CTNNA3: variants seen among roughly 807,000 people sequenced by gnomAD.
CTNNA3 encodes catenin alpha 3, also known as catenin alpha-3.
CTNNA3 carries 76 observed loss-of-function variants against 95.7 expected under a neutral mutation model. The ratio of observed to expected loss-of-function variants is 0.79; its 90% confidence interval spans 0.66 to 0.96. The LOEUF is 0.96. CTNNA3 is among the 40% of genes least tolerant of loss of function. The pLI is 0.00. For missense variants in CTNNA3, 1,191 were observed against 1,089.8 expected (o/e 1.09, Z -1.31); for synonymous variants, 431 against 374.4 (o/e 1.15, Z -1.74).
intron 7 of CTNNA3, among the ~76,000 whole-genome samples, chr10:67,042,688 T>C (rs1373045469): frequency 1.3e-5 from 2 of 151,510 alleles, no homozygotes; most frequent in Non-Finnish European, 3.0e-5. Context: ...GGGAAACTAT[T>C]AGAGGAAAAA....
chr10:66,085,551 A>C (rs1418417717), intron 14 of CTNNA3, among the ~76,000 whole-genome samples: 1 of 152,034 alleles, frequency 6.6e-6, no homozygotes, highest in African/African-American at 2.4e-5. Context: ...TTTTTCTTTC[A>C]TAATCAAGAA....
rs890654634 is a variant in CTNNA3, at chr10:66,151,972, G to A, written c.1885-48723C>T. On this transcript the variant is annotated intron_variant, in intron 13 of 17. Coordinates refer to ENST00000433211, the MANE Select transcript of CTNNA3 (RefSeq NM_013266.4). ...ATTTATGTGGCTACATTTCTGCCAG[G>A]GAACTTAAGGAGTCCTATAAATCAT... 2.0e-5 allele frequency among the ~76,000 whole-genome samples: 3 copies of A among 151,912 alleles called. No homozygotes were observed. In the East Asian group the frequency reaches 5.8e-4, roughly 29 times the overall value.
intron 11 of CTNNA3, among the ~76,000 whole-genome samples, chr10:66,461,245 A>C (rs1000680047): frequency 6.6e-6 from 1 of 152,106 alleles, no homozygotes; most frequent in South Asian, 2.1e-4. Context: ...TTGTGTACTC[A>C]TAATAGATGA....
rs552838580 is a variant in CTNNA3 at position 66,011,648 on chromosome 10, T to G, written c.2160-22851A>C. 3.3e-5 allele frequency among the ~76,000 whole-genome samples: 5 copies of G among 152,260 alleles called. No homozygotes were observed. In the South Asian group the frequency reaches 1.0e-3, roughly 32 times the overall value. ...TTGACCAAGTTCATACTGTCAGAAATGTGTAGAGTAGGGGTCAATCAAGCC... is the reference window on the plus strand; with the variant it reads ...TTGACCAAGTTCATACTGTCAGAAAGGTGTAGAGTAGGGGTCAATCAAGCC... On this transcript the variant is annotated intron_variant, in intron 15 of 17. Transcript: ENST00000433211.
At chr10:66,557,309 A>G (rs1387347864) in intron 10 of CTNNA3, among the ~76,000 whole-genome samples, 2 of 152,120 alleles carry the variant, frequency 1.3e-5, no homozygotes, top group African/African-American at 2.4e-5. Context: ...AACAAGGCCC[A>G]ATAAAGTTGT....
chr10:67,069,251 T>A, intron 7 of CTNNA3, among the ~76,000 whole-genome samples: 1 of 151,846 alleles, frequency 6.6e-6, no homozygotes, highest in East Asian at 1.9e-4. Flanking sequence ...TTTAAAAAAA[T>A]TAGAGAATCT....
chr10:66,508,508 T>C (rs1415942273), intron 11 of CTNNA3, among the ~76,000 whole-genome samples: 1 of 152,108 alleles, frequency 6.6e-6, no homozygotes, highest in Non-Finnish European at 1.5e-5. Flanking sequence ...CTTCCCTATA[T>C]GAGCCACAAT....
chr10:67,740,182 T>C (rs1841327354), intron 1 of CTNNA3, among the ~76,000 whole-genome samples: 2 of 152,148 alleles, frequency 1.3e-5, no homozygotes, highest in Non-Finnish European at 2.9e-5. Context: ...GACTTAAACA[T>C]TAGGCCTAAA....
chr10:66,711,372 T>C (rs1848289619), intron 9 of CTNNA3, among the ~76,000 whole-genome samples: 1 of 151,446 alleles, frequency 6.6e-6, no homozygotes, highest in African/African-American at 2.4e-5. Context: ...AAAACAGCTA[T>C]ATATCATGAA....
At chr10:67,295,942 T>C (rs1477976581) in intron 5 of CTNNA3, among the ~76,000 whole-genome samples, 1 of 152,210 alleles carries the variant, frequency 6.6e-6, no homozygotes, top group East Asian at 1.9e-4. Context: ...GGCCACTACC[T>C]ACGGATGCTC....
At chr10:66,707,299 A>G (rs191485168) in intron 9 of CTNNA3, among the ~76,000 whole-genome samples, 1 of 152,210 alleles carries the variant, frequency 6.6e-6, no homozygotes, top group African/African-American at 2.4e-5. Flanking sequence ...CACAATGTAT[A>G]GAGAAAGAAC....
intron 6 of CTNNA3, among the ~76,000 whole-genome samples, chr10:67,207,417 A>T (rs1308806875): frequency 6.6e-6 from 1 of 152,154 alleles, no homozygotes; most frequent in African/African-American, 2.4e-5. Flanking sequence ...TAAATTTCAG[A>T]TAGAACTTTA....
chr10:66,323,349 G>A (rs2092214469), intron 12 of CTNNA3, among the ~76,000 whole-genome samples: 2 of 151,732 alleles, frequency 1.3e-5, no homozygotes, highest in South Asian at 4.2e-4. Context: ...ATGAACAGGA[G>A]TTGGAAATAC....
chr10:66,228,074 C>T (rs1254876056), intron 13 of CTNNA3, among the ~76,000 whole-genome samples: 1 of 152,002 alleles, frequency 6.6e-6, no homozygotes. Flanking sequence ...TTGTTTGTCT[C>T]ACTAACAACT....
chr10:67,224,472 G>A (rs1175928007), intron 5 of CTNNA3, among the ~76,000 whole-genome samples: 1 of 152,204 alleles, frequency 6.6e-6, no homozygotes, highest in Non-Finnish European at 1.5e-5. Context: ...TATGAGGGAG[G>A]ACCCACAGAC....
intron 5 of CTNNA3, among the ~76,000 whole-genome samples, chr10:67,508,934 T>C (rs968881543): frequency 6.6e-6 from 1 of 151,970 alleles, no homozygotes; most frequent in African/African-American, 2.4e-5. Context: ...TGGAGTGCAA[T>C]GGCATGATCT....
Position 65,913,884 on chromosome 10 carries a change from C to G in CTNNA3, c.*6446G>C, listed in dbSNP as rs1018520116. ...ACAGATGGGGAACTGATGTGACATA[C>G]CTAAGGTTGGCCTGAGTCTGCAGAA... On this transcript the variant is annotated 3_prime_UTR_variant, in exon 18 of 18. Transcript: ENST00000433211. 4 of 151,976 alleles carry G rather than the reference C, an allele frequency of 2.6e-5. No individual in the cohort carries two copies. The highest frequency in any genetic ancestry group is 5.9e-5 in the Non-Finnish European group (4 of 68,004). 9.4% of individuals were successfully genotyped at this position (151,976 alleles called of 1,614,324 possible). A position where few individuals can be genotyped will look rare whatever the true frequency, so the allele number is the denominator to read the frequency against.
At chr10:66,847,274 TG>T (rs2132368763) in intron 7 of CTNNA3, among the ~76,000 whole-genome samples, 2 of 152,348 alleles carry the variant, frequency 1.3e-5, no homozygotes, top group South Asian at 4.1e-4. Flanking sequence ...GAACTTACTC[TG>T]CCACATTGTC....
At chr10:67,315,668 T>C (rs1434266201) in intron 5 of CTNNA3, among the ~76,000 whole-genome samples, 3 of 152,234 alleles carry the variant, frequency 2.0e-5, no homozygotes, top group Non-Finnish European at 2.9e-5. Flanking sequence ...ACAAACTCTA[T>C]TTTTAAATGG....
Sources: allele counts gnomAD v4.1 joint callset (sites outside exome capture counted in the v4.1 genomes callset), GRCh38; gene constraint gnomAD v4.1.1; transcripts MANE v1.5; gene names NCBI Gene and HGNC (gene_info 2026-07-23, HGNC 2026-07-21).